ARHGAP10: variants seen among roughly 807,000 people sequenced by gnomAD.
ARHGAP10 encodes rho GTPase-activating protein 10.
Under a neutral mutation model 108.6 loss-of-function variants are expected in ARHGAP10, and 87 were observed. That is an observed-to-expected ratio of 0.80 (90% confidence interval 0.67 to 0.96). The LOEUF (loss-of-function observed/expected upper bound fraction) is 0.96, where lower values mean the gene tolerates loss of function less well. Ranked by LOEUF, ARHGAP10 falls within the 40% of genes least tolerant of loss-of-function variation. ARHGAP10 has a pLI of 0.00. For missense variants in ARHGAP10, 939 were observed against 954.5 expected (o/e 0.98, Z 0.21); for synonymous variants, 347 against 341.1 (o/e 1.02, Z -0.19).
chr4:148,042,761 G>A (rs1004888669), intron 19 of ARHGAP10, among the ~76,000 whole-genome samples: 4 of 152,176 alleles, frequency 2.6e-5, no homozygotes, highest in Non-Finnish European at 5.9e-5. Context: ...AGCATCTGTG[G>A]TATGCCTTTG....
chr4:147,966,768 A>G lies in ARHGAP10; in HGVS notation c.1645A>G (p.Thr549Ala). 4 of 1,607,734 alleles carry G rather than the reference A, an allele frequency of 2.5e-6. No individual in the cohort carries two copies. The highest frequency in any genetic ancestry group is 3.4e-6 in the Non-Finnish European group (4 of 1,175,516). Residue 549 changes from threonine to alanine, a missense_variant, in exon 18 of 23, where the codon ACT becomes GCT. Coordinates refer to ENST00000336498, the MANE Select transcript of ARHGAP10 (RefSeq NM_024605.4). ...GPTLMRPQEETVAALMDLKFQ... is the reference protein window; with the variant it reads ...GPTLMRPQEEAVAALMDLKFQ... ...AACTCTGATGAGGCCACAGGAAGAA[A>G]CTGTCGCTGCCCTCATGGACTTGAA...
intron 18 of ARHGAP10, among the ~76,000 whole-genome samples, chr4:147,974,799 TG>T (rs779164582): frequency 2.2e-4 from 34 of 152,304 alleles, no homozygotes; most frequent in Non-Finnish European, 4.4e-4. Context: ...TCCACAGGGC[TG>T]GGGAGGCCTC....
rs563490749 is a variant in ARHGAP10 at position 147,838,284 on chromosome 4, C to A, written c.313-8867C>A. 1.2e-3 allele frequency among the ~76,000 whole-genome samples: 178 copies of A among 152,224 alleles called. 1 individual carries two copies. The Middle Eastern group carries it at 0.014, about 12-fold the overall frequency. Reference sequence around the variant, plus strand: ...ATCTCAAGCCAAAAGTATATGTTAGCAGCCCATTTGGACAGTCTCTTTAAA... The same window carrying A: ...ATCTCAAGCCAAAAGTATATGTTAGAAGCCCATTTGGACAGTCTCTTTAAA... On this transcript the variant is annotated intron_variant, in intron 3 of 22. Transcript: ENST00000336498.
intron 3 of ARHGAP10, among the ~76,000 whole-genome samples, chr4:147,844,687 C>T (rs1003209683): frequency 1.3e-5 from 2 of 152,172 alleles, no homozygotes; most frequent in East Asian, 1.9e-4. Flanking sequence ...TCCATTCGGT[C>T]AATCTCTCAT....
chr4:147,940,083 A>T (rs749193382), intron 14 of ARHGAP10, among the ~76,000 whole-genome samples, 184 bp downstream of exon 14: 3 of 152,184 alleles, frequency 2.0e-5, no homozygotes, highest in Non-Finnish European at 4.4e-5. Context: ...ATCAGCATAG[A>T]TTGTCTATTA....
chr4:147,774,320 A>G (rs755100288), intron 1 of ARHGAP10, among the ~76,000 whole-genome samples: 4 of 152,300 alleles, frequency 2.6e-5, no homozygotes, highest in Admixed American at 6.5e-5. Flanking sequence ...CAGGCTAGGC[A>G]AGCATGAACT....
intron 22 of ARHGAP10, among the ~76,000 whole-genome samples, chr4:148,070,686 T>G (rs1316704233): frequency 5.9e-5 from 9 of 152,168 alleles, no homozygotes; most frequent in South Asian, 2.1e-4. Flanking sequence ...ATGAAACTTG[T>G]GTGTGTTACG....
intron 1 of ARHGAP10, among the ~76,000 whole-genome samples, chr4:147,733,655 C>T (rs999495775): frequency 6.6e-6 from 1 of 152,218 alleles, no homozygotes; most frequent in African/African-American, 2.4e-5. Flanking sequence ...GCGATTAAAA[C>T]ATATTGATTA....
At chr4:148,043,748 A>G (rs147684554) in intron 19 of ARHGAP10, among the ~76,000 whole-genome samples, 3 of 144,224 alleles carry the variant, frequency 2.1e-5, no homozygotes, top group Admixed American at 7.0e-5. Flanking sequence ...ATATATATGT[A>G]TATATGTATA....
At chr4:147,915,016 C>T (rs1004413167) in intron 13 of ARHGAP10, among the ~76,000 whole-genome samples, 1 of 152,104 alleles carries the variant, frequency 6.6e-6, no homozygotes, top group Non-Finnish European at 1.5e-5. Flanking sequence ...ATTTAATTCA[C>T]TCTCATATAT....
chr4:147,964,458 T>A (rs1287668561), intron 16 of ARHGAP10, among the ~76,000 whole-genome samples: 1 of 152,224 alleles, frequency 6.6e-6, no homozygotes, highest in Non-Finnish European at 1.5e-5. Context: ...TTTCTAGGGC[T>A]CTGTGAGTCT....
intron 3 of ARHGAP10, among the ~76,000 whole-genome samples, chr4:147,829,892 C>T (rs1299981904): frequency 6.6e-6 from 1 of 152,168 alleles, no homozygotes; most frequent in Non-Finnish European, 1.5e-5. Context: ...CAAATAAGGG[C>T]AATTGGTTGA....
chr4:147,798,476 C>T (rs988057788), intron 1 of ARHGAP10, among the ~76,000 whole-genome samples: 1 of 152,046 alleles, frequency 6.6e-6, no homozygotes, highest in African/African-American at 2.4e-5. Flanking sequence ...TTTGGGCAGC[C>T]TAGGTGGGTG....
chr4:147,763,252 G>A (rs934423886), intron 1 of ARHGAP10, among the ~76,000 whole-genome samples: 2 of 151,354 alleles, frequency 1.3e-5, no homozygotes, highest in African/African-American at 4.9e-5. Context: ...TATCTGAGAT[G>A]TACTAAAACA....
chr4:148,054,426 C>T (rs1187943825), intron 20 of ARHGAP10, among the ~76,000 whole-genome samples: 2 of 152,234 alleles, frequency 1.3e-5, no homozygotes, highest in East Asian at 3.8e-4. Flanking sequence ...CCAATCACTG[C>T]TCCCCTGAGA....
At chr4:147,845,955 A>G (rs1733613644) in intron 3 of ARHGAP10, among the ~76,000 whole-genome samples, 1 of 152,194 alleles carries the variant, frequency 6.6e-6, no homozygotes, top group Admixed American at 6.5e-5. Flanking sequence ...ATGGTCTAAA[A>G]TGTAGAGAGG....
intron 16 of ARHGAP10, among the ~76,000 whole-genome samples, chr4:147,957,181 G>C (rs1483840702): frequency 6.6e-6 from 1 of 152,162 alleles, no homozygotes; most frequent in African/African-American, 2.4e-5. Context: ...CATTGGCATG[G>C]ATTTGCACCT....
chr4:147,861,254 A>G (rs1024575980), intron 5 of ARHGAP10: 24 of 152,482 alleles, frequency 1.6e-4, no homozygotes, highest in African/African-American at 5.8e-4. Context: ...GGCTCCGTGC[A>G]AGGCTGTGGC....
chr4:147,881,883 A>G lies in ARHGAP10; in HGVS notation c.985A>G (p.Thr329Ala). ...FFLKECTKRHTDSIDRRFCFD... is the reference protein window; with the variant it reads ...FFLKECTKRHADSIDRRFCFD... Reference sequence around the variant, plus strand: ...TTTGAAAGAATGTACCAAGAGGCATACTGACTCCATTGACAGAAGGTTTTG... The same window carrying G: ...TTTGAAAGAATGTACCAAGAGGCATGCTGACTCCATTGACAGAAGGTTTTG... Residue 329 changes from threonine to alanine, a missense_variant, in exon 10 of 23, where the codon ACT becomes GCT. Transcript: ENST00000336498. The G allele has an allele frequency of 6.2e-7, 1 of 1,614,132 alleles. No homozygotes were observed. Among genetic ancestry groups the G allele is most frequent in the Non-Finnish European group, 8.5e-7 (1 of 1,179,998 alleles).
Sources: gnomAD v4.1 joint callset for allele counts (sites outside exome capture counted in the v4.1 genomes callset) on GRCh38, gnomAD v4.1.1 for gene constraint, MANE v1.5 for transcripts, NCBI Gene and HGNC (gene_info 2026-07-23, HGNC 2026-07-21) for gene names.